FANCC: variants seen among roughly 807,000 people sequenced by gnomAD.
FANCC encodes Fanconi anemia group C protein.
A neutral mutation model predicts 71.3 loss-of-function variants in FANCC; 55 were observed. The ratio of observed to expected loss-of-function variants is 0.77; its 90% CI spans 0.62 to 0.97. The LOEUF is 0.97. Ranked by LOEUF, FANCC falls within the 50% of genes least tolerant of loss-of-function variation. The pLI is 0.00. For synonymous variants in FANCC, 275 were observed against 244.9 expected (o/e 1.12, Z -1.15); for missense variants, 678 against 670.9 (o/e 1.01, Z -0.12).
chr9:95,260,660 G>A (rs1349328791), intron 1 of FANCC, among the ~76,000 whole-genome samples: 1 of 138,998 alleles, frequency 7.2e-6, no homozygotes, highest in Non-Finnish European at 1.5e-5. Flanking sequence ...TGCACATTCT[G>A]CACATGTATC....
intron 7 of FANCC, among the ~76,000 whole-genome samples, chr9:95,141,024 A>C (rs1828571534): frequency 6.6e-6 from 1 of 152,064 alleles, no homozygotes; most frequent in Non-Finnish European, 1.5e-5. Context: ...AAAAAACAGG[A>C]TGTGGCTGGG....
rs1444174349 is a variant in FANCC at position 95,264,525 on chromosome 9, T to C, written c.-78-15156A>G. ...ATGCTTTCCTTTGGTCTAAAACATC[T>C]CTAAGCCCAGAGAGCTAAGTCTACT... On this transcript the variant is annotated intron_variant, in intron 1 of 14. Transcript: ENST00000289081. Among the ~76,000 whole-genome samples the C allele has an allele frequency of 2.6e-5, 4 of 152,180 alleles. No individual in the cohort carries two copies. In the East Asian group the frequency reaches 7.7e-4, roughly 29 times the overall value.
At chr9:95,303,606 G>A (rs1834887633) in intron 1 of FANCC, among the ~76,000 whole-genome samples, 1 of 152,194 alleles carries the variant, frequency 6.6e-6, no homozygotes, top group South Asian at 2.1e-4. Flanking sequence ...CCCTCTTCCT[G>A]GCTTGTATGT....
rs190544450 is a variant in FANCC at position 95,101,120 on chromosome 9, G to A, written c.*587C>T. ...AGCAAATACAGAGTGGAAAGAGTGTGCCGGAGGCCCGGGCTTGGGTGTGCT... is the reference window on the plus strand; with the variant it reads ...AGCAAATACAGAGTGGAAAGAGTGTACCGGAGGCCCGGGCTTGGGTGTGCT... On this transcript the variant is annotated 3_prime_UTR_variant, in exon 15 of 15. Coordinates refer to ENST00000289081, the MANE Select transcript of FANCC (RefSeq NM_000136.3). The A allele has an allele frequency of 2.8e-4, 67 of 241,518 alleles. No homozygotes were observed. Among genetic ancestry groups the A allele is most frequent in the Admixed American group, 6.5e-4 (13 of 19,944 alleles). 15.0% of individuals were successfully genotyped at this position (241,518 alleles called of 1,614,324 possible). A position where few individuals can be genotyped will look rare whatever the true frequency, so the allele number is the denominator to read the frequency against.
intron 12 of FANCC, among the ~76,000 whole-genome samples, chr9:95,112,317 A>G (rs2072009807): frequency 6.6e-6 from 1 of 152,188 alleles, no homozygotes; most frequent in South Asian, 2.1e-4. Context: ...AGATGAGAAC[A>G]TTCCTTCTGG....
At chr9:95,134,854 G>A (rs1827435935) in intron 8 of FANCC, among the ~76,000 whole-genome samples, 1 of 152,252 alleles carries the variant, frequency 6.6e-6, no homozygotes. Context: ...GCAGGGGAGG[G>A]TGAAGGCAGG....
intron 1 of FANCC, among the ~76,000 whole-genome samples, chr9:95,312,765 C>T (rs543020049): frequency 9.8e-5 from 15 of 152,320 alleles, no homozygotes; most frequent in African/African-American, 3.1e-4. Context: ...GCCACTGCCC[C>T]TAGGGCTGAG....
intron 1 of FANCC, among the ~76,000 whole-genome samples, chr9:95,301,684 G>T (rs1834740911): frequency 2.0e-5 from 3 of 152,056 alleles, no homozygotes; most frequent in Non-Finnish European, 2.9e-5. Flanking sequence ...TGGGATTACA[G>T]GCGTGAGTTG....
intron 8 of FANCC, 81 bp from the exon 9 acceptor site, chr9:95,126,662 AC>A: frequency 7.1e-7 from 1 of 1,407,954 alleles, no homozygotes; most frequent in African/African-American, 1.4e-5. Flanking sequence ...CAAAGGAGTT[AC>A]TGGGAACTGC....
At chr9:95,248,848 C>T (rs1198917987) in intron 2 of FANCC, among the ~76,000 whole-genome samples, 2 of 152,004 alleles carry the variant, frequency 1.3e-5, no homozygotes, top group Admixed American at 1.3e-4. Context: ...CAAAAGAATC[C>T]CATTTACTAC....
chr9:95,258,312 C>G (rs1470125386), intron 1 of FANCC, among the ~76,000 whole-genome samples: 1 of 152,160 alleles, frequency 6.6e-6, no homozygotes, highest in Non-Finnish European at 1.5e-5. Context: ...CAAGCCAAAT[C>G]CAGCAACACA....
At chr9:95,267,557 C>G (rs1251225529) in intron 1 of FANCC, among the ~76,000 whole-genome samples, 1 of 152,206 alleles carries the variant, frequency 6.6e-6, no homozygotes, top group Admixed American at 6.5e-5. Context: ...TTCTAAAGTA[C>G]ATGAAGAAAT....
At chr9:95,197,978 T>C (rs970196743) in intron 4 of FANCC, among the ~76,000 whole-genome samples, 16 of 152,070 alleles carry the variant, frequency 1.1e-4, no homozygotes, top group African/African-American at 3.9e-4. Flanking sequence ...AGAGAAAGGG[T>C]TGATCTCATC....
chr9:95,224,653 G>C (rs1036830009), intron 4 of FANCC, among the ~76,000 whole-genome samples: 2 of 151,840 alleles, frequency 1.3e-5, no homozygotes, highest in Non-Finnish European at 2.9e-5. Context: ...TCTACTTTCT[G>C]TTTCTATAAA....
intron 1 of FANCC, among the ~76,000 whole-genome samples, chr9:95,314,797 C>G (rs1835640721): frequency 6.6e-6 from 1 of 151,984 alleles, no homozygotes; most frequent in African/African-American, 2.4e-5. Flanking sequence ...CTGAAAATTA[C>G]TAAATACTGC....
intron 1 of FANCC, among the ~76,000 whole-genome samples, chr9:95,271,858 C>T (rs112658715): frequency 0.023 from 3,442 of 150,520 alleles, 131 homozygotes; most frequent in African/African-American, 0.079. Context: ...AAAAGTTTAT[C>T]ACCTGACTCA....
intron 4 of FANCC, among the ~76,000 whole-genome samples, chr9:95,181,511 ATTCCTATAGTCATATAATAATAGG>A (rs1826365776): frequency 6.6e-6 from 1 of 152,226 alleles, no homozygotes; most frequent in Admixed American, 6.5e-5. Flanking sequence ...ACAAAAATAA[ATTCCTATAGTCATATAATAATAGG>A]TTCTTTCTCA....
rs34066396 is a variant in FANCC at position 95,291,967 on chromosome 9, A to AATATATATATAT, written c.-79+25547_-79+25558dup. Among the ~76,000 whole-genome samples the AATATATATATAT allele has an allele frequency of 6.1e-4, 31 of 50,416 alleles. 1 individual carries two copies. The highest frequency in any genetic ancestry group is 2.6e-3 in the South Asian group (3 of 1,174). 33.1% of individuals were successfully genotyped at this position (50,416 alleles called of 152,430 possible). ...TGTCTCAAAAAAAAAAAAAAAAAAA[A>AATATATATATAT]ATATATATATATATATATATATATA... On this transcript the variant is annotated intron_variant, in intron 1 of 14. Coordinates refer to ENST00000289081, the MANE Select transcript of FANCC (RefSeq NM_000136.3).
At chr9:95,124,745 G>C (rs1825708374) in intron 10 of FANCC, among the ~76,000 whole-genome samples, 1 of 152,196 alleles carries the variant, frequency 6.6e-6, no homozygotes, top group Non-Finnish European at 1.5e-5. Flanking sequence ...CTGCTGACCT[G>C]GGAGGCTCAG....
Sources: allele counts gnomAD v4.1 joint callset (sites outside exome capture counted in the v4.1 genomes callset), GRCh38; gene constraint gnomAD v4.1.1; transcripts MANE v1.5; gene names NCBI Gene and HGNC (gene_info 2026-07-23, HGNC 2026-07-21).